The following ENTPD3 variants were observed in gnomAD, a reference collection of about 807,000 sequenced individuals.
The protein encoded by ENTPD3 is ectonucleoside triphosphate diphosphohydrolase 3.
ENTPD3 carries 60 observed loss-of-function variants against 51.2 expected under a neutral mutation model. The observed-to-expected ratio is 1.17, with a 90% CI of 0.95 to 1.45. The LOEUF (loss-of-function observed/expected upper bound fraction) is 1.45, where lower values mean the gene tolerates loss of function less well. ENTPD3 is among the 40% of genes most tolerant of loss of function. The pLI is 0.00. For missense variants in ENTPD3, 593 were observed against 641.1 expected (o/e 0.93, Z 0.81); for synonymous variants, 221 against 238.4 (o/e 0.93, Z 0.67).
intron 4 of ENTPD3, among the ~76,000 whole-genome samples, chr3:40,402,613 T>C (rs111456007): frequency 0.029 from 4,405 of 152,282 alleles, 191 homozygotes; most frequent in African/African-American, 0.1. Flanking sequence ...TATGAATTCT[T>C]TGCCATTATT....
chr3:40,416,961 AG>A (rs1318917281), intron 7 of ENTPD3, among the ~76,000 whole-genome samples: 12 of 150,790 alleles, frequency 8.0e-5, no homozygotes, highest in African/African-American at 2.2e-4. Flanking sequence ...TCTATCCTGC[AG>A]AGGAGTTGAA....
chr3:40,415,658 A>G (rs1248171190), intron 6 of ENTPD3, among the ~76,000 whole-genome samples, 182 bp from the exon 7 acceptor site: 1 of 152,190 alleles, frequency 6.6e-6, no homozygotes, highest in Non-Finnish European at 1.5e-5. Context: ...TACCTATGTT[A>G]CCTGCCCAGT....
At chr3:40,393,482 A>G (rs1559507486) in intron 3 of ENTPD3, among the ~76,000 whole-genome samples, 1 of 152,186 alleles carries the variant, frequency 6.6e-6, no homozygotes, top group Non-Finnish European at 1.5e-5. Context: ...TTTAAAAGAA[A>G]AGAAACTAAT....
intron 4 of ENTPD3, among the ~76,000 whole-genome samples, chr3:40,402,123 C>CT (rs58000344): frequency 5.3e-5 from 5 of 95,020 alleles, no homozygotes; most frequent in African/African-American, 1.9e-4. Flanking sequence ...TTTTTTTTTT[C>CT]TTTTTTTTTT....
chr3:40,402,610 T>C (rs1955390688), intron 4 of ENTPD3, among the ~76,000 whole-genome samples: 1 of 152,210 alleles, frequency 6.6e-6, no homozygotes, highest in Admixed American at 6.5e-5. Flanking sequence ...AAATATGAAT[T>C]CTTTGCCATT....
chr3:40,414,763 G>A lies in ENTPD3; in HGVS notation c.520G>A (p.Ala174Thr). 1 of 1,614,008 alleles carries A rather than the reference G, an allele frequency of 6.2e-7. No individual in the cohort carries two copies. The highest frequency in any genetic ancestry group is 8.5e-7 in the Non-Finnish European group (1 of 1,179,948). Residue 174 changes from alanine to threonine, a missense_variant, in exon 6 of 11, where the codon GCT (alanine) becomes ACT (threonine). Physicochemically the swap from Ala to Thr is moderately conservative, Grantham distance 58 (BLOSUM62 0). Coordinates refer to ENST00000301825, the MANE Select transcript of ENTPD3 (RefSeq NM_001248.4). ...GTCCCAGCCCTTTGACTTTAGGGGT[G>A]CTCAAATCATTTCTGGGCAAGAAGA... ...FKSQPFDFRGAQIISGQEEGV... is the reference protein window; with the variant it reads ...FKSQPFDFRGTQIISGQEEGV...
chr3:40,389,811 T>C (rs1575204972), intron 2 of ENTPD3, among the ~76,000 whole-genome samples: 2 of 152,180 alleles, frequency 1.3e-5, no homozygotes, highest in Admixed American at 6.5e-5. Flanking sequence ...CGTGGGCGCA[T>C]AGACATGCCC....
chr3:40,400,569 G>A (rs1955328858), intron 3 of ENTPD3, among the ~76,000 whole-genome samples: 1 of 152,092 alleles, frequency 6.6e-6, no homozygotes, highest in Admixed American at 6.5e-5. Context: ...ACCTGTTGAT[G>A]CCTGAGTCCA....
At chr3:40,390,906 C>T (rs1955036821) in intron 2 of ENTPD3, 1 of 152,180 alleles carries the variant, frequency 6.6e-6, no homozygotes. Context: ...TACCTTCCTA[C>T]TTTTGAACTT....
rs9858868 is a variant in ENTPD3, at chr3:40,427,560, G to A, written c.*52G>A. 0.026 allele frequency: 36,498 copies of A among 1,395,556 alleles called. 2,080 individuals carry two copies. Among genetic ancestry groups the A allele is most frequent in the African/African-American group, 0.19 (13,510 of 70,850 alleles). 86.4% of individuals were successfully genotyped at this position (1,395,556 alleles called of 1,614,324 possible). ...ATGGCTGCTTAGAGTCAGCCTGGGT[G>A]GCACCAGGCAATGCAGGTGAAGTGG... On this transcript the variant is annotated 3_prime_UTR_variant, in exon 11 of 11. Transcript: ENST00000301825.
rs75271777 is a variant in ENTPD3, at chr3:40,387,948, G to A, written c.-12-98G>A. 2.5e-4 allele frequency: 238 copies of A among 936,880 alleles called. 1 individual carries two copies. In the East Asian group the frequency reaches 5.8e-3, roughly 23 times the overall value. 58.0% of individuals were successfully genotyped at this position (936,880 alleles called of 1,614,324 possible). A position where few individuals can be genotyped will look rare whatever the true frequency, so the allele number is the denominator to read the frequency against. On this transcript the variant is annotated intron_variant, in intron 1 of 10. Transcript: ENST00000301825. ...TCCCGGGATGAGGTTTTGATTTGGA[G>A]GAAGTAAAATGGGTTTTGTCTTAAC...
chr3:40,400,734 G>A (rs1955334353), intron 3 of ENTPD3, among the ~76,000 whole-genome samples, 160 bp from the exon 4 acceptor site: 1 of 152,044 alleles, frequency 6.6e-6, no homozygotes, highest in Non-Finnish European at 1.5e-5. Context: ...AATCCAAGGA[G>A]ACAAAATTGG....
chr3:40,419,167 T>C (rs1955809648), intron 7 of ENTPD3, among the ~76,000 whole-genome samples: 2 of 152,308 alleles, frequency 1.3e-5, no homozygotes, highest in Admixed American at 6.5e-5. Context: ...TCCTGTTTTG[T>C]TGCTACAACA....
chr3:40,407,864 C>T (rs1001149453), intron 4 of ENTPD3, among the ~76,000 whole-genome samples: 2 of 152,148 alleles, frequency 1.3e-5, no homozygotes, highest in African/African-American at 4.8e-5. Flanking sequence ...AGAAGTCAGA[C>T]AGACATGATA....
At position 40,412,169 on chromosome 3, in the gene ENTPD3, C is replaced by T. The variant is rs181346101; in HGVS notation, c.437+207C>T. ...GAAAGAAACAGTTCTAAAATTGTTT[C>T]CCTCTCCCTTGGTGATTTTACTGAG... On this transcript the variant is annotated intron_variant, in intron 5 of 10. Coordinates refer to ENST00000301825, the MANE Select transcript of ENTPD3 (RefSeq NM_001248.4). 7.4e-4 allele frequency among the ~76,000 whole-genome samples: 113 copies of T among 152,248 alleles called. No homozygotes were observed. The South Asian group carries it at 8.3e-3, about 11-fold the overall frequency.
intron 4 of ENTPD3, among the ~76,000 whole-genome samples, chr3:40,402,415 G>A (rs546863581): frequency 9.0e-4 from 136 of 151,850 alleles, no homozygotes; most frequent in Non-Finnish European, 1.5e-3. Flanking sequence ...CACCGTGCTC[G>A]GCCTCATTTT....
intron 2 of ENTPD3, among the ~76,000 whole-genome samples, chr3:40,388,597 C>G (rs568305887): frequency 4.8e-5 from 7 of 146,946 alleles, no homozygotes; most frequent in African/African-American, 1.8e-4. Context: ...CACACACACA[C>G]ACACACACAC....
At chr3:40,414,901 T>C in intron 6 of ENTPD3, 61 bp downstream of exon 6, 1 of 1,551,766 alleles carries the variant, frequency 6.4e-7, no homozygotes, top group Non-Finnish European at 8.9e-7. Context: ...CTGTGAGTGA[T>C]AGCCTAAGTA....
intron 4 of ENTPD3, among the ~76,000 whole-genome samples, chr3:40,409,195 T>C (rs893593664): frequency 7.9e-5 from 12 of 152,022 alleles, no homozygotes; most frequent in African/African-American, 2.9e-4. Context: ...GAGGCTGTAG[T>C]GAGCCGAGAT....
Sources: gnomAD v4.1 joint callset for allele counts (sites outside exome capture counted in the v4.1 genomes callset) on GRCh38, gnomAD v4.1.1 for gene constraint, MANE v1.5 for transcripts, NCBI Gene and HGNC (gene_info 2026-07-23, HGNC 2026-07-21) for gene names.